NBAS: variants seen among roughly 807,000 people sequenced by gnomAD.
NBAS encodes NBAS subunit of NRZ tethering complex.
In NBAS, 219 loss-of-function variants were observed where a neutral mutation model predicts 302.5. That is an observed-to-expected ratio of 0.72 (90% CI 0.65 to 0.81). The LOEUF is 0.81. Among genes scored for constraint, NBAS ranks in the 30% least tolerant of loss-of-function variants. NBAS has a pLI of 0.00. For missense variants in NBAS, 2,932 were observed against 2,841.6 expected (o/e 1.03, Z -0.72); for synonymous variants, 1,118 against 1,021.6 (o/e 1.09, Z -1.80).
At chr2:14,935,038 C>T in the NBAS span, among the ~76,000 whole-genome samples, 4 of 152,174 alleles carry the variant, frequency 2.6e-5, no homozygotes. Flanking sequence ...TAATCCAGCT[C>T]ATCCCTCCAT....
chr2:15,275,254 G>A (rs1195059603), intron 44 of NBAS, among the ~76,000 whole-genome samples: 2 of 152,096 alleles, frequency 1.3e-5, no homozygotes, highest in African/African-American at 2.4e-5. Flanking sequence ...CTAAGTATAC[G>A]TGTAAATGAG....
At chr2:14,865,093 C>A in the NBAS span, among the ~76,000 whole-genome samples, 1 of 152,076 alleles carries the variant, frequency 6.6e-6, no homozygotes, top group African/African-American at 2.4e-5. Flanking sequence ...TAGAAACTAC[C>A]GCCTTCTGTT....
At chr2:15,269,354 TATTG>T (rs1401106753) in intron 44 of NBAS, among the ~76,000 whole-genome samples, 2 of 152,318 alleles carry the variant, frequency 1.3e-5, no homozygotes, top group South Asian at 2.1e-4. Context: ...ATTTTTATTT[TATTG>T]ATTGATTGAT....
intron 44 of NBAS, among the ~76,000 whole-genome samples, chr2:15,256,801 C>T (rs377426084): frequency 9.9e-4 from 151 of 152,234 alleles, no homozygotes; most frequent in Admixed American, 5.6e-3. Flanking sequence ...TTTTCCTGCA[C>T]GTATTGAGGT....
In NBAS at chr2:15,451,291, T is replaced by C. The variant is rs368022843; in HGVS notation, c.2339+9910A>G. On this transcript the variant is annotated intron_variant, in intron 21 of 51. Coordinates refer to ENST00000281513, the MANE Select transcript of NBAS (RefSeq NM_015909.4). ...GTCTCAAATACCTACCCCCCAGCTA[T>C]CCTCCTGCCATGGCCTCCCAAAGTG... Among the ~76,000 whole-genome samples, 16 of 152,078 alleles carry C rather than the reference T, an allele frequency of 1.1e-4. No individual in the cohort carries two copies. The East Asian group carries it at 3.1e-3, about 29-fold the overall frequency.
intron 47 of NBAS, among the ~76,000 whole-genome samples, chr2:15,224,977 T>G (rs1462977537): frequency 6.6e-6 from 1 of 152,008 alleles, no homozygotes; most frequent in Non-Finnish European, 1.5e-5. Flanking sequence ...AATAAACAAA[T>G]GTGTAAATGG....
chr2:15,379,174 A>G (rs147857127), intron 30 of NBAS, among the ~76,000 whole-genome samples: 197 of 147,156 alleles, frequency 1.3e-3, no homozygotes, highest in African/African-American at 4.8e-3. Context: ...TTATCATCTA[A>G]TCAGGTCCCT....
chr2:15,315,032 G>T (rs934231937), intron 38 of NBAS, among the ~76,000 whole-genome samples: 2 of 152,142 alleles, frequency 1.3e-5, no homozygotes, highest in Admixed American at 1.3e-4. Context: ...GCTGGGAAGA[G>T]GCTAAGACTT....
the NBAS span, among the ~76,000 whole-genome samples, chr2:15,057,468 G>T: frequency 6.6e-6 from 1 of 151,996 alleles, no homozygotes; most frequent in East Asian, 1.9e-4. Flanking sequence ...TGGGGAACAG[G>T]TGGTGTTTGG....
the NBAS span, among the ~76,000 whole-genome samples, chr2:15,043,534 G>A: frequency 6.6e-6 from 1 of 152,148 alleles, no homozygotes; most frequent in Non-Finnish European, 1.5e-5. Context: ...GCATCTGCCT[G>A]ACTCTTCGCC....
the NBAS span, among the ~76,000 whole-genome samples, chr2:14,894,855 G>A: frequency 0.04 from 6,052 of 152,174 alleles, 139 homozygotes; most frequent in Non-Finnish European, 0.053. Context: ...TCAAGAGATC[G>A]AGACCATACT....
In NBAS at chr2:15,441,380, A is replaced by C. The variant is rs377717870; in HGVS notation, c.2340-13586T>G. Among the ~76,000 whole-genome samples the C allele has an allele frequency of 1.1e-3, 164 of 148,772 alleles. 2 individuals carry two copies. In the South Asian group the frequency reaches 0.013, roughly 12 times the overall value. ...CATTCTTAAAGAAAAGAATTTTCAA[A>C]CCAGAATTTCATATCCAGCCAAACT... On this transcript the variant is annotated intron_variant, in intron 21 of 51. Transcript: ENST00000281513.
intron 14 of NBAS, among the ~76,000 whole-genome samples, chr2:15,474,994 A>G (rs768534464): frequency 1.3e-5 from 2 of 152,208 alleles, no homozygotes; most frequent in African/African-American, 2.4e-5. Context: ...TTGTTTTACC[A>G]AGAATAGCTC....
chr2:15,524,816 C>A (rs1310503399), intron 9 of NBAS, among the ~76,000 whole-genome samples: 3 of 150,044 alleles, frequency 2.0e-5, no homozygotes, highest in Non-Finnish European at 4.4e-5. Context: ...TTTTTTAATT[C>A]TCAACAGGTA....
In NBAS at chr2:15,396,492, AG is replaced by A; in HGVS notation, c.3072-18del. The A allele has an allele frequency of 6.5e-7, 1 of 1,546,050 alleles. No homozygotes were observed. Among genetic ancestry groups the A allele is most frequent in the Non-Finnish European group, 8.7e-7 (1 of 1,145,936 alleles). On this transcript the variant is annotated intron_variant, in intron 26 of 51. Transcript: ENST00000281513. ...GTCTTATCACTAATAAATTAAAAGA[AG>A]AAAAAAAAAAGCCCTTAAGTTTAGT...
the NBAS span, among the ~76,000 whole-genome samples, chr2:14,792,997 A>T: frequency 2.0e-5 from 3 of 152,078 alleles, no homozygotes; most frequent in Non-Finnish European, 4.4e-5. Context: ...TAGGGCCTTG[A>T]TCTGATAATA....
chr2:15,407,954 T>A (rs1676498610), intron 25 of NBAS, among the ~76,000 whole-genome samples: 1 of 152,140 alleles, frequency 6.6e-6, no homozygotes, highest in Non-Finnish European at 1.5e-5. Context: ...ACACTACTTG[T>A]CTCAAGGCCC....
At chr2:14,792,674 T>C in the NBAS span, among the ~76,000 whole-genome samples, 1 of 148,168 alleles carries the variant, frequency 6.7e-6, no homozygotes, top group Non-Finnish European at 1.5e-5. Flanking sequence ...CCTATGGAAA[T>C]TAAAAAAAAA....
At chr2:15,419,950 G>A (rs972829901) in intron 23 of NBAS, among the ~76,000 whole-genome samples, 1 of 151,986 alleles carries the variant, frequency 6.6e-6, no homozygotes, top group African/African-American at 2.4e-5. Context: ...CTGACCTCAT[G>A]ATTCGCCTGC....
Sources: allele counts gnomAD v4.1 joint callset (sites outside exome capture counted in the v4.1 genomes callset), GRCh38; gene constraint gnomAD v4.1.1; transcripts MANE v1.5; gene names NCBI Gene and HGNC (gene_info 2026-07-23, HGNC 2026-07-21).